Variants in NOL10 observed in about 807,000 individuals in gnomAD.
The protein encoded by NOL10 is nucleolar protein 10.
Under a neutral mutation model 103.5 loss-of-function variants are expected in NOL10, and 58 were observed. The ratio of observed to expected loss-of-function variants is 0.56; its 90% CI spans 0.45 to 0.70. NOL10 has a LOEUF of 0.70. Ranked by LOEUF, NOL10 falls within the 30% of genes least tolerant of loss-of-function variation. The pLI is 0.00. For synonymous variants in NOL10, 287 were observed against 282.5 expected (o/e 1.02, Z -0.16); for missense variants, 763 against 807.3 (o/e 0.95, Z 0.67).
intron 8 of NOL10, among the ~76,000 whole-genome samples, chr2:10,664,083 C>A (rs1173321255): frequency 6.6e-6 from 1 of 151,134 alleles, no homozygotes; most frequent in Non-Finnish European, 1.5e-5. Context: ...CGTGCCACTG[C>A]ACTCCTGCCT....
rs1558270614 is a variant in NOL10, at chr2:10,587,196, T to TATATATACAC, written c.1844+1837_1844+1846dup. 2.3e-4 allele frequency among the ~76,000 whole-genome samples: 7 copies of TATATATACAC among 30,312 alleles called. 1 individual carries two copies. The East Asian group carries it at 3.5e-3, about 15-fold the overall frequency. The allele number at this position is 30,312 out of a possible 152,430, so 19.9% of individuals were successfully genotyped here. A position where few individuals can be genotyped will look rare whatever the true frequency, so the allele number is the denominator to read the frequency against. ...ATATATATACACATATATATACACA[T>TATATATACAC]ATATATACACATATATATATACATA... On this transcript the variant is annotated intron_variant, in intron 19 of 20. Transcript: ENST00000381685.
chr2:10,682,071 TA>T lies in NOL10; in HGVS notation c.113-3del. 7.0e-7 allele frequency: 1 copy of T among 1,422,674 alleles called. No homozygotes were observed. Among genetic ancestry groups the T allele is most frequent in the Non-Finnish European group, 9.4e-7 (1 of 1,064,692 alleles). 88.1% of individuals were successfully genotyped at this position (1,422,674 alleles called of 1,614,324 possible). On this transcript the variant is annotated splice_polypyrimidine_tract_variant and splice_region_variant and intron_variant, in intron 2 of 20. Coordinates refer to ENST00000381685, the MANE Select transcript of NOL10 (RefSeq NM_024894.4). ...TAAGTTCAATTCTCCTACGGACATC[TA>T]AAAAGAGAGAAAAAAACAACTAGTT...
chr2:10,654,201 A>C (rs552446920), intron 12 of NOL10, among the ~76,000 whole-genome samples: 2 of 152,220 alleles, frequency 1.3e-5, no homozygotes, highest in South Asian at 4.2e-4. Context: ...CCTGCCTCCT[A>C]CCTGTATGCT....
intron 17 of NOL10, among the ~76,000 whole-genome samples, chr2:10,592,954 T>TC (rs1475918847): frequency 6.6e-6 from 1 of 152,106 alleles, no homozygotes; most frequent in African/African-American, 2.4e-5. Flanking sequence ...GTCCTATAAA[T>TC]ACCCGTCTAC....
chr2:10,647,328 C>T (rs1679153892), intron 12 of NOL10, among the ~76,000 whole-genome samples: 1 of 152,216 alleles, frequency 6.6e-6, no homozygotes, highest in Non-Finnish European at 1.5e-5. Flanking sequence ...CAGTGCTCTA[C>T]AGCTGCTCAA....
intron 1 of NOL10, among the ~76,000 whole-genome samples, chr2:10,685,641 C>G (rs79898164): frequency 1.3e-5 from 2 of 151,978 alleles, no homozygotes; most frequent in African/African-American, 4.8e-5. Context: ...GAATAAAAAT[C>G]GTAGCCCCAA....
At chr2:10,641,771 A>G (rs972269222) in intron 13 of NOL10, among the ~76,000 whole-genome samples, 3 of 152,160 alleles carry the variant, frequency 2.0e-5, no homozygotes, top group Non-Finnish European at 4.4e-5. Flanking sequence ...TTCTATGCCC[A>G]TGGCCACCAT....
intron 8 of NOL10, among the ~76,000 whole-genome samples, chr2:10,664,786 C>T (rs908321565): frequency 2.6e-5 from 4 of 152,176 alleles, no homozygotes; most frequent in African/African-American, 9.7e-5. Flanking sequence ...TCCACCCACT[C>T]GCACTTCCAA....
At chr2:10,675,208 T>C (rs1433783716) in intron 4 of NOL10, among the ~76,000 whole-genome samples, 1 of 151,110 alleles carries the variant, frequency 6.6e-6, no homozygotes, top group Non-Finnish European at 1.5e-5. Context: ...TTTAAAAAAG[T>C]AATAAATAAA....
chr2:10,669,503 CACACAT>C (rs1269171017), intron 6 of NOL10, among the ~76,000 whole-genome samples: 3 of 68,396 alleles, frequency 4.4e-5, no homozygotes, highest in Non-Finnish European at 7.7e-5. Flanking sequence ...CACATACACA[CACACAT>C]ATATACACAC....
In NOL10 at chr2:10,638,325, GACGTGACGTAACGTA is replaced by G. The variant is rs1218070948; in HGVS notation, c.1026+5980_1026+5994del. Among the ~76,000 whole-genome samples the G allele has an allele frequency of 5.0e-4, 63 of 127,244 alleles. 2 individuals are homozygous for G. In the East Asian group the frequency reaches 7.4e-3, roughly 15 times the overall value. 83.5% of individuals were successfully genotyped at this position (127,244 alleles called of 152,430 possible). A position where few individuals can be genotyped will look rare whatever the true frequency, so the allele number is the denominator to read the frequency against. On this transcript the variant is annotated intron_variant, in intron 13 of 20. Coordinates refer to ENST00000381685, the MANE Select transcript of NOL10 (RefSeq NM_024894.4). ...AACGTGACGTGACGTGACGTGACGT[GACGTGACGTAACGTA>G]ACGTAACGTAACGTAACGTAACAGT...
chr2:10,614,713 T>C (rs1031973632), intron 13 of NOL10, among the ~76,000 whole-genome samples: 2 of 152,184 alleles, frequency 1.3e-5, no homozygotes, highest in Non-Finnish European at 2.9e-5. Context: ...AATTTCAGAA[T>C]TGCAGATAAG....
At chr2:10,607,702 T>C (rs1009665762) in intron 13 of NOL10, among the ~76,000 whole-genome samples, 1 of 151,230 alleles carries the variant, frequency 6.6e-6, no homozygotes, top group Non-Finnish European at 1.5e-5. Context: ...TTTTTTAAGT[T>C]TGCCAAACAA....
intron 11 of NOL10, among the ~76,000 whole-genome samples, chr2:10,655,967 G>C (rs1460734187): frequency 1.3e-5 from 2 of 152,186 alleles, no homozygotes; most frequent in African/African-American, 4.8e-5. Context: ...GAAAAGAGGG[G>C]AAACCAGGAA....
intron 8 of NOL10, among the ~76,000 whole-genome samples, chr2:10,666,453 C>G (rs1309882526): frequency 6.6e-6 from 1 of 152,072 alleles, no homozygotes; most frequent in Admixed American, 6.6e-5. Context: ...CTCAGCCTCC[C>G]AAATAGCTGG....
intron 17 of NOL10, among the ~76,000 whole-genome samples, chr2:10,597,124 T>A (rs1171207051): frequency 6.6e-6 from 1 of 152,202 alleles, no homozygotes. Flanking sequence ...CGTGAGCCAC[T>A]GCACTCGGCC....
intron 3 of NOL10, among the ~76,000 whole-genome samples, chr2:10,680,973 A>T (rs193156832): frequency 6.6e-6 from 1 of 152,180 alleles, no homozygotes; most frequent in Non-Finnish European, 1.5e-5. Flanking sequence ...AAATCATGTT[A>T]TAAGTGACCT....
intron 20 of NOL10, among the ~76,000 whole-genome samples, chr2:10,574,004 T>C (rs535409032): frequency 3.4e-4 from 48 of 139,580 alleles, no homozygotes; most frequent in African/African-American, 1.2e-3. Flanking sequence ...GTCCTGTGCT[T>C]ACTGAAACTG....
At chr2:10,667,344 T>C (rs374327745) in intron 7 of NOL10, 66 bp from the exon 8 acceptor site, 25 of 1,142,470 alleles carry the variant, frequency 2.2e-5, no homozygotes, top group Non-Finnish European at 3.0e-5. Flanking sequence ...GAAGGAATAT[T>C]AAATAAATAA....
Sources: gnomAD v4.1 joint callset for allele counts (sites outside exome capture counted in the v4.1 genomes callset) on GRCh38, gnomAD v4.1.1 for gene constraint, MANE v1.5 for transcripts, NCBI Gene and HGNC (gene_info 2026-07-23, HGNC 2026-07-21) for gene names.